The following FGGY variants were observed in gnomAD, a reference collection of about 807,000 sequenced individuals.
The protein encoded by FGGY is FGGY carbohydrate kinase domain-containing protein.
In FGGY, 72 loss-of-function variants were observed where a neutral mutation model predicts 71.3. The ratio of observed to expected loss-of-function variants is 1.01; its 90% CI spans 0.84 to 1.23. FGGY has a LOEUF of 1.23. Among genes scored for constraint, FGGY ranks in the 50% most tolerant of loss-of-function variants. The pLI is 0.00. For missense variants in FGGY, 668 were observed against 682.3 expected, an observed-to-expected ratio of 0.98 and a Z score of 0.23; for synonymous variants, 251 against 250.3, an observed-to-expected ratio of 1.00 and a Z score of -0.02.
chr1:59,475,117 G>A (rs1231151213), intron 6 of FGGY, among the ~76,000 whole-genome samples: 1 of 152,140 alleles, frequency 6.6e-6, no homozygotes, highest in East Asian at 1.9e-4. Context: ...GGTAATTATT[G>A]CCAACTTCTA....
At chr1:59,574,016 G>A (rs993536505) in intron 8 of FGGY, among the ~76,000 whole-genome samples, 1 of 152,182 alleles carries the variant, frequency 6.6e-6, no homozygotes, top group Non-Finnish European at 1.5e-5. Context: ...GTTTGTGGGA[G>A]TGGTAGATAA....
At chr1:59,316,635 G>C (rs1273325325) in intron 1 of FGGY, among the ~76,000 whole-genome samples, 1 of 152,064 alleles carries the variant, frequency 6.6e-6, no homozygotes, top group East Asian at 1.9e-4. Flanking sequence ...TATTTATACA[G>C]GCTATTATTT....
At chr1:59,637,619 A>G (rs2096974595) in intron 10 of FGGY, among the ~76,000 whole-genome samples, 2 of 152,154 alleles carry the variant, frequency 1.3e-5, no homozygotes, top group African/African-American at 2.4e-5. Context: ...AGAAAAAGAA[A>G]AAACGTACAC....
chr1:59,405,445 G>C (rs535293385), intron 5 of FGGY, among the ~76,000 whole-genome samples: 2 of 152,168 alleles, frequency 1.3e-5, no homozygotes, highest in Non-Finnish European at 2.9e-5. Flanking sequence ...GAGTAGATTT[G>C]TACATAGAAA....
chr1:59,681,937 A>G (rs1456898967), intron 14 of FGGY, among the ~76,000 whole-genome samples: 1 of 152,226 alleles, frequency 6.6e-6, no homozygotes, highest in Non-Finnish European at 1.5e-5. Context: ...AGAAGAAAAC[A>G]AAAGAAATCA....
At chr1:59,721,526 C>G (rs934911516) in intron 14 of FGGY, among the ~76,000 whole-genome samples, 60 of 151,956 alleles carry the variant, frequency 3.9e-4, no homozygotes, top group African/African-American at 1.4e-3. Flanking sequence ...TTCGTAGAGA[C>G]AGGGTTTCAC....
At chr1:59,441,970 C>T (rs1271070140) in intron 5 of FGGY, among the ~76,000 whole-genome samples, 1 of 152,190 alleles carries the variant, frequency 6.6e-6, no homozygotes, top group African/African-American at 2.4e-5. Flanking sequence ...TCAGGACTCA[C>T]AATTCAAGCT....
At chr1:59,320,176 C>T (rs1224924182) in intron 1 of FGGY, among the ~76,000 whole-genome samples, 1 of 152,114 alleles carries the variant, frequency 6.6e-6, no homozygotes, top group Non-Finnish European at 1.5e-5. Context: ...GCCACAGAGC[C>T]AAAAGGGGGA....
rs116827616 is a variant in FGGY, at chr1:59,631,344, A to G, written c.1073+5295A>G. ...CTTCATTTCTGTCTATATTTTGATG[A>G]CTCTTTTATGTCCAGCCCAGATACT... On this transcript the variant is annotated intron_variant, in intron 10 of 15. Coordinates refer to ENST00000303721, the MANE Select transcript of FGGY (RefSeq NM_018291.5). 7.6e-3 allele frequency among the ~76,000 whole-genome samples: 1,148 copies of G among 151,986 alleles called. 17 individuals carry two copies. The highest frequency in any genetic ancestry group is 0.026 in the African/African-American group (1,095 of 41,436).
chr1:59,417,601 G>T (rs1269140729), intron 5 of FGGY, among the ~76,000 whole-genome samples: 1 of 152,132 alleles, frequency 6.6e-6, no homozygotes, highest in Non-Finnish European at 1.5e-5. Context: ...ACATCCTTGT[G>T]AGCACTTGTT....
At chr1:59,381,419 T>C (rs1357549189) in intron 5 of FGGY, among the ~76,000 whole-genome samples, 1 of 151,962 alleles carries the variant, frequency 6.6e-6, no homozygotes, top group East Asian at 1.9e-4. Context: ...TTCAATAAGC[T>C]TTTTTCTATT....
intron 5 of FGGY, among the ~76,000 whole-genome samples, chr1:59,432,512 G>A (rs80230287): frequency 2.6e-5 from 4 of 152,182 alleles, no homozygotes; most frequent in African/African-American, 9.7e-5. Context: ...GGGACACCTG[G>A]TTGGTTTCTG....
At chr1:59,725,471 A>G (rs1257592462) in intron 14 of FGGY, among the ~76,000 whole-genome samples, 1 of 152,074 alleles carries the variant, frequency 6.6e-6, no homozygotes, top group Non-Finnish European at 1.5e-5. Context: ...TTGCCTTTCC[A>G]TATAAATTTT....
chr1:59,324,266 CTTTTTTTTT>C (rs71046329), intron 2 of FGGY, among the ~76,000 whole-genome samples: 1,707 of 78,088 alleles, frequency 0.022, 29 homozygotes, highest in African/African-American at 0.079. Flanking sequence ...ATAATAACTA[CTTTTTTTTT>C]TTTTTTTTTT....
intron 10 of FGGY, among the ~76,000 whole-genome samples, chr1:59,631,097 CA>C (rs1229197458): frequency 6.6e-6 from 1 of 152,180 alleles, no homozygotes; most frequent in Non-Finnish European, 1.5e-5. Flanking sequence ...CATGGGGCAT[CA>C]GTGATCACTT....
At chr1:59,318,329 C>T (rs1028791240) in intron 1 of FGGY, among the ~76,000 whole-genome samples, 2 of 152,178 alleles carry the variant, frequency 1.3e-5, no homozygotes, top group African/African-American at 4.8e-5. Flanking sequence ...CATCCATTCA[C>T]TGAGTTACAA....
At chr1:59,683,061 G>T (rs544435064) in intron 14 of FGGY, among the ~76,000 whole-genome samples, 2 of 152,126 alleles carry the variant, frequency 1.3e-5, no homozygotes, top group Non-Finnish European at 2.9e-5. Context: ...TGATAAAAAC[G>T]CTGGAATCCC....
At chr1:59,394,238 A>G (rs996237742) in intron 5 of FGGY, among the ~76,000 whole-genome samples, 1 of 152,194 alleles carries the variant, frequency 6.6e-6, no homozygotes, top group African/African-American at 2.4e-5. Context: ...AGCTCAAGGT[A>G]TTTGTTTTTA....
intron 10 of FGGY, among the ~76,000 whole-genome samples, chr1:59,632,898 C>G (rs2096920854): frequency 6.6e-6 from 1 of 152,166 alleles, no homozygotes; most frequent in Non-Finnish European, 1.5e-5. Context: ...AATATTAACA[C>G]CTTTCATTCC....
Sources: allele counts gnomAD v4.1 joint callset (sites outside exome capture counted in the v4.1 genomes callset), GRCh38; gene constraint gnomAD v4.1.1; transcripts MANE v1.5; gene names NCBI Gene and HGNC (gene_info 2026-07-23, HGNC 2026-07-21).